Variants in RIT2 observed in about 807,000 individuals in gnomAD.
RIT2 encodes GTP-binding protein Rit2.
RIT2 carries 24 observed loss-of-function variants against 23.7 expected under a neutral mutation model. The observed-to-expected ratio is 1.01, with a 90% CI of 0.73 to 1.43. The LOEUF is 1.43. RIT2 is among the 40% of genes most tolerant of loss of function. The pLI is 0.00. For synonymous variants in RIT2, 107 were observed against 91.1 expected (o/e 1.17, Z -0.99); for missense variants, 236 against 266.9 (o/e 0.88, Z 0.81).
intron 2 of RIT2, among the ~76,000 whole-genome samples, chr18:43,021,774 T>C (rs1911603228): frequency 1.3e-5 from 2 of 152,136 alleles, no homozygotes; most frequent in South Asian, 2.1e-4. Flanking sequence ...ATGCTTTCTA[T>C]GCAGCATGCA....
At chr18:43,089,301 A>G (rs894262595) in intron 1 of RIT2, among the ~76,000 whole-genome samples, 5 of 152,224 alleles carry the variant, frequency 3.3e-5, no homozygotes, top group Admixed American at 2.6e-4. Context: ...CGAGAGCCAA[A>G]TCAGTAACAC....
intron 3 of RIT2, among the ~76,000 whole-genome samples, chr18:42,953,996 C>T (rs1909913363): frequency 6.6e-6 from 1 of 152,052 alleles, no homozygotes. Context: ...AGGGTTTATG[C>T]TCCTGAAGTG....
intron 2 of RIT2, among the ~76,000 whole-genome samples, chr18:42,993,402 C>A (rs1312685160): frequency 1.3e-5 from 2 of 152,154 alleles, no homozygotes; most frequent in Non-Finnish European, 2.9e-5. Context: ...GGACACCAAG[C>A]TTCAGGTAAC....
intron 2 of RIT2, among the ~76,000 whole-genome samples, chr18:42,995,183 C>A (rs1385978872): frequency 1.3e-5 from 2 of 152,154 alleles, no homozygotes. Flanking sequence ...TAAAACCTCT[C>A]ATTTCCTTTC....
intron 4 of RIT2, among the ~76,000 whole-genome samples, chr18:42,809,568 G>T (rs1328307410): frequency 1.3e-5 from 2 of 151,862 alleles, no homozygotes; most frequent in Non-Finnish European, 2.9e-5. Flanking sequence ...TTGTAGAACT[G>T]ATTTCTACCA....
chr18:42,983,809 T>C (rs1426023240), intron 2 of RIT2, among the ~76,000 whole-genome samples: 1 of 152,036 alleles, frequency 6.6e-6, no homozygotes, highest in Non-Finnish European at 1.5e-5. Flanking sequence ...CAATAAGATA[T>C]CTCTACATAC....
intron 1 of RIT2, among the ~76,000 whole-genome samples, chr18:43,067,520 A>G (rs1912799114): frequency 6.6e-6 from 1 of 152,202 alleles, no homozygotes. Flanking sequence ...TCGGTGCAGA[A>G]AAGTGGAATA....
At chr18:42,953,799 GTGTGGGATTTTAAAATAAAC>G (rs1417915880) in intron 3 of RIT2, among the ~76,000 whole-genome samples, 1 of 152,148 alleles carries the variant, frequency 6.6e-6, no homozygotes, top group Non-Finnish European at 1.5e-5. Context: ...TTTAAACGAA[GTGTGGGATTTTAAAATAAAC>G]TACTTTAGAA....
At chr18:43,034,981 A>G (rs1468628635) in intron 1 of RIT2, among the ~76,000 whole-genome samples, 1 of 152,116 alleles carries the variant, frequency 6.6e-6, no homozygotes, top group East Asian at 1.9e-4. Context: ...GCCCAGTTCT[A>G]TACTGAGGAC....
At chr18:43,009,202 G>GA (rs1022514643) in intron 2 of RIT2, among the ~76,000 whole-genome samples, 2 of 151,134 alleles carry the variant, frequency 1.3e-5, no homozygotes, top group Non-Finnish European at 3.0e-5. Context: ...GTCTACACTA[G>GA]AAAAAAAATT....
chr18:42,968,604 G>T (rs1338418245), intron 3 of RIT2, among the ~76,000 whole-genome samples: 1 of 152,168 alleles, frequency 6.6e-6, no homozygotes, highest in Non-Finnish European at 1.5e-5. Context: ...TAATGAGAAT[G>T]CTTATAAAAT....
chr18:42,872,517 A>T (rs1907645701), intron 4 of RIT2, among the ~76,000 whole-genome samples: 1 of 152,234 alleles, frequency 6.6e-6, no homozygotes, highest in East Asian at 1.9e-4. Flanking sequence ...AGTCCCTGGA[A>T]TCCTAAACCT....
intron 2 of RIT2, among the ~76,000 whole-genome samples, chr18:43,013,895 A>C (rs564684380): frequency 8.1e-4 from 123 of 151,870 alleles, no homozygotes; most frequent in African/African-American, 2.9e-3. Flanking sequence ...CCCCAGCTCT[A>C]CGCTAGATAC....
intron 1 of RIT2, among the ~76,000 whole-genome samples, chr18:43,079,129 T>C (rs1374682596): frequency 2.0e-5 from 3 of 152,216 alleles, no homozygotes; most frequent in African/African-American, 7.2e-5. Flanking sequence ...AGCAAAATAA[T>C]TTATAGAAAT....
intron 1 of RIT2, among the ~76,000 whole-genome samples, chr18:43,091,479 T>C (rs8091584): frequency 0.95 from 144,619 of 152,142 alleles, 69,108 homozygotes; most frequent in East Asian, 1. Context: ...CTGAATAATG[T>C]GGTCTTTACT....
intron 4 of RIT2, among the ~76,000 whole-genome samples, chr18:42,782,598 A>G (rs1034382459): frequency 1.3e-5 from 2 of 152,154 alleles, no homozygotes; most frequent in African/African-American, 4.8e-5. Flanking sequence ...CAATTTAGAC[A>G]AAGAAAAGAA....
chr18:43,039,354 T>C (rs1003409743), intron 1 of RIT2, among the ~76,000 whole-genome samples: 6 of 150,526 alleles, frequency 4.0e-5, no homozygotes, highest in African/African-American at 9.8e-5. Flanking sequence ...CTTTTCTTTT[T>C]TTTTTTTTTT....
chr18:42,886,266 G>T (rs1411332337), intron 4 of RIT2, among the ~76,000 whole-genome samples: 1 of 152,146 alleles, frequency 6.6e-6, no homozygotes, highest in Admixed American at 6.5e-5. Context: ...ACAGAGGAAT[G>T]AGTACTTTAA....
intron 4 of RIT2, among the ~76,000 whole-genome samples, chr18:42,844,690 T>C (rs1906860272): frequency 6.6e-6 from 1 of 152,024 alleles, no homozygotes; most frequent in Non-Finnish European, 1.5e-5. Flanking sequence ...TATGTAGTTT[T>C]GGAAAAGGCA....
Sources: gnomAD v4.1 joint callset for allele counts (sites outside exome capture counted in the v4.1 genomes callset) on GRCh38, gnomAD v4.1.1 for gene constraint, MANE v1.5 for transcripts, NCBI Gene and HGNC (gene_info 2026-07-23, HGNC 2026-07-21) for gene names.